Variants in CKAP2L observed in about 807,000 individuals in gnomAD.
The protein encoded by CKAP2L is cytoskeleton-associated protein 2-like.
In CKAP2L, 42 loss-of-function variants were observed where a neutral mutation model predicts 65.7. The ratio of observed to expected loss-of-function variants is 0.64; its 90% CI spans 0.50 to 0.83. The LOEUF is 0.83. Ranked by LOEUF, CKAP2L falls within the 40% of genes least tolerant of loss-of-function variation. The pLI, the probability that CKAP2L is intolerant of heterozygous loss-of-function variation, is 0.00. For missense variants in CKAP2L, 908 were observed against 871.0 expected, an observed-to-expected ratio of 1.04 and a Z score of -0.53; for synonymous variants, 325 against 313.5, an observed-to-expected ratio of 1.04 and a Z score of -0.39.
chr2:112,741,042 T>C (rs778063474), intron 7 of CKAP2L, 35 bp from the exon 8 acceptor site: 2 of 1,428,394 alleles, frequency 1.4e-6, no homozygotes, highest in South Asian at 2.4e-5. Context: ...AAGTAAGATT[T>C]ACCAATTTAA....
intron 4 of CKAP2L, among the ~76,000 whole-genome samples, chr2:112,755,312 G>A (rs773258606): frequency 6.6e-6 from 1 of 152,106 alleles, no homozygotes; most frequent in Non-Finnish European, 1.5e-5. Flanking sequence ...GGCTAATTTT[G>A]TATTTTTAGT....
intron 4 of CKAP2L, among the ~76,000 whole-genome samples, chr2:112,754,688 C>T (rs544911419): frequency 2.6e-5 from 4 of 152,268 alleles, no homozygotes; most frequent in South Asian, 2.1e-4. Context: ...ATGAATCTCT[C>T]CCTCTCTAGA....
chr2:112,747,872 G>C (rs528769142), intron 5 of CKAP2L, among the ~76,000 whole-genome samples: 12 of 152,332 alleles, frequency 7.9e-5, no homozygotes, highest in South Asian at 4.1e-4. Flanking sequence ...AGTGATAAGA[G>C]AGAGTATTGC....
Position 112,736,564 on chromosome 2 carries a change from TCTG to T in CKAP2L, c.*2256_*2258del, listed in dbSNP as rs1679202821. ...CCTATCTCTAGACTTGTTCATTTTA[TCTG>T]CTATTTTGTATCCTTGGCCTGCATC... On this transcript the variant is annotated 3_prime_UTR_variant, in exon 9 of 9. Coordinates refer to ENST00000302450, the MANE Select transcript of CKAP2L (RefSeq NM_152515.5). 1 of 152,244 alleles carries T rather than the reference TCTG, an allele frequency of 6.6e-6. No individual in the cohort carries two copies. Among genetic ancestry groups the T allele is most frequent in the African/African-American group, 2.4e-5 (1 of 41,468 alleles). 9.4% of individuals were successfully genotyped at this position (152,244 alleles called of 1,614,324 possible).
intron 6 of CKAP2L, among the ~76,000 whole-genome samples, chr2:112,744,066 G>C (rs1290128984): frequency 4.6e-5 from 7 of 152,196 alleles, no homozygotes; most frequent in Admixed American, 4.6e-4. Context: ...TCAGCTAAAT[G>C]AATGGGAATA....
At chr2:112,753,360 C>T (rs1427251693) in intron 4 of CKAP2L, among the ~76,000 whole-genome samples, 3 of 152,118 alleles carry the variant, frequency 2.0e-5, no homozygotes, top group Non-Finnish European at 4.4e-5. Context: ...CAGGCTGTGT[C>T]ACTGCCAAGA....
intron 2 of CKAP2L, among the ~76,000 whole-genome samples, chr2:112,761,354 G>A (rs187728767): frequency 1.4e-3 from 213 of 151,568 alleles, no homozygotes; most frequent in Non-Finnish European, 2.5e-3. Context: ...CCAGCTACTC[G>A]GGAGGCTGAG....
chr2:112,750,130 T>G (rs1044923926), intron 5 of CKAP2L, among the ~76,000 whole-genome samples: 1 of 152,076 alleles, frequency 6.6e-6, no homozygotes, highest in African/African-American at 2.4e-5. Context: ...TCTACCAGGG[T>G]TTGTCTCTCC....
At position 112,755,981 on chromosome 2, in the gene CKAP2L, G is replaced by A; in HGVS notation, c.1390C>T (p.Arg464Ter). Residue 464 changes from arginine (R) to a stop codon, truncating the protein, a stop_gained, in exon 4 of 9, where the codon CGA (arginine) becomes TGA (stop). Coordinates refer to ENST00000302450, the MANE Select transcript of CKAP2L (RefSeq NM_152515.5). LOFTEE classifies it high-confidence loss of function. ...CTTAGAATTAAAGCAAAGTACCTTCGATCCTCTGCTGTTGCCTTCTTTTTA... is the reference window on the plus strand; with the variant it reads ...CTTAGAATTAAAGCAAAGTACCTTCAATCCTCTGCTGTTGCCTTCTTTTTA... ...NIKKKATAEDRRKQLEEWQKS... is the reference protein window; with the variant it reads ...NIKKKATAED The A allele has an allele frequency of 1.3e-6, 2 of 1,563,544 alleles. No homozygotes were observed. The highest frequency in any genetic ancestry group is 1.7e-6 in the Non-Finnish European group (2 of 1,159,248).
At chr2:112,745,351 T>C (rs953800528) in intron 6 of CKAP2L, among the ~76,000 whole-genome samples, 1 of 151,802 alleles carries the variant, frequency 6.6e-6, no homozygotes, top group Non-Finnish European at 1.5e-5. Context: ...AAAGTAATCA[T>C]AGTATATATT....
chr2:112,739,089 A>T (rs551675007), intron 8 of CKAP2L, 41 bp from the exon 9 acceptor site: 188 of 1,427,852 alleles, frequency 1.3e-4, no homozygotes, highest in Admixed American at 1.0e-3. Flanking sequence ...CTTATCATTT[A>T]AAAAAATTAT....
chr2:112,742,420 A>G, intron 7 of CKAP2L: 1 of 717,628 alleles, frequency 1.4e-6, no homozygotes, highest in East Asian at 2.7e-5. Context: ...AGTCTCTTCC[A>G]GCAAAGAGCT....
At chr2:112,757,385 GTTTTTTTTTTT>G (rs11311328) in intron 3 of CKAP2L, among the ~76,000 whole-genome samples, 171 bp from the exon 4 acceptor site, 1 of 87,436 alleles carries the variant, frequency 1.1e-5, no homozygotes, top group African/African-American at 5.2e-5. Context: ...TAGTTTTTGT[GTTTTTTTTTTT>G]TTTTTTTTTT....
intron 7 of CKAP2L, among the ~76,000 whole-genome samples, chr2:112,742,222 CGT>C (rs1680022257): frequency 6.6e-6 from 1 of 152,158 alleles, no homozygotes. Context: ...TAATGTCACT[CGT>C]GTTTGGCACA....
At chr2:112,750,440 G>C (rs1680336172) in intron 5 of CKAP2L, among the ~76,000 whole-genome samples, 2 of 152,180 alleles carry the variant, frequency 1.3e-5, no homozygotes, top group South Asian at 4.1e-4. Context: ...TAGCTCCCTT[G>C]CCTCTGATCA....
intron 8 of CKAP2L, among the ~76,000 whole-genome samples, 196 bp downstream of exon 8, chr2:112,740,622 T>C (rs532071123): frequency 6.6e-6 from 1 of 152,236 alleles, no homozygotes; most frequent in East Asian, 1.9e-4. Flanking sequence ...GATCTGCAAG[T>C]GCAGGACAAA....
At chr2:112,747,500 T>A (rs1680238247) in intron 5 of CKAP2L, among the ~76,000 whole-genome samples, 1 of 152,152 alleles carries the variant, frequency 6.6e-6, no homozygotes, top group African/African-American at 2.4e-5. Context: ...GGGGTGTATA[T>A]GTGTAAGTGT....
At chr2:112,741,488 G>A (rs2104857065) in intron 7 of CKAP2L, among the ~76,000 whole-genome samples, 1 of 152,292 alleles carries the variant, frequency 6.6e-6, no homozygotes, top group African/African-American at 2.4e-5. Context: ...TTTCATGGTA[G>A]CCCAAACACA....
In CKAP2L at chr2:112,757,015, T is replaced by C. The variant is rs985935436; in HGVS notation, c.356A>G (p.Lys119Arg). Residue 119 changes from lysine (K) to arginine (R), a missense_variant, in exon 4 of 9, where the codon AAG (lysine) becomes AGG (arginine). Physicochemically the swap from Lys to Arg is conservative, Grantham distance 26. Coordinates refer to ENST00000302450, the MANE Select transcript of CKAP2L (RefSeq NM_152515.5). The stretch of plus-strand genomic sequence containing the variant: ...TCCAGCTTCACACTGTTGAAAACTC[T>C]TGCTAGAAGGCTTAGAGTATGGGTT... ...SSNPYSKPSSKSFQQCEAGSS... is the reference protein window; with the variant it reads ...SSNPYSKPSSRSFQQCEAGSS... 2.0e-5 allele frequency: 33 copies of C among 1,614,086 alleles called. No homozygotes were observed. Among genetic ancestry groups the C allele is most frequent in the Non-Finnish European group, 2.7e-5 (32 of 1,180,022 alleles).
Sources: gnomAD v4.1 joint callset for allele counts (sites outside exome capture counted in the v4.1 genomes callset) on GRCh38, gnomAD v4.1.1 for gene constraint, MANE v1.5 for transcripts, NCBI Gene and HGNC (gene_info 2026-07-23, HGNC 2026-07-21) for gene names.